Variants in RNF220 observed in about 807,000 individuals in gnomAD.
RNF220 encodes ring finger protein 220, also known as E3 ubiquitin-protein ligase RNF220.
RNF220 carries 7 observed loss-of-function variants against 67.1 expected under a neutral mutation model. That is an observed-to-expected ratio of 0.10 (90% CI 0.06 to 0.20). RNF220 has a LOEUF of 0.20. RNF220 is among the 10% of genes least tolerant of loss of function. RNF220 has a pLI of 1.00. For missense variants in RNF220, 565 were observed against 740.3 expected, an observed-to-expected ratio of 0.76 and a Z score of 2.75; for synonymous variants, 270 against 283.2, an observed-to-expected ratio of 0.95 and a Z score of 0.47.
In RNF220 at chr1:44,624,243, T is replaced by C. The variant is rs1203298057; in HGVS notation, c.804+1456T>C. ...GCCCAGCCTGCAGCATTTAATGGTG[T>C]GGTTCAGGAAAGTCAGAGACAAGCT... is the stretch of plus-strand genomic sequence containing the variant. On this transcript the variant is annotated intron_variant, in intron 4 of 14. Coordinates refer to ENST00000361799, the MANE Select transcript of RNF220 (RefSeq NM_018150.4). The surrounding 1 kb of genome is among the most constrained non-coding windows in gnomAD (Gnocchi z 4.2). Among the ~76,000 whole-genome samples, 1 of 152,160 alleles carries C rather than the reference T, an allele frequency of 6.6e-6. No homozygotes were observed. Among genetic ancestry groups the C allele is most frequent in the Non-Finnish European group, 1.5e-5 (1 of 68,032 alleles).
chr1:44,517,383 ATCCTTCAGATCTTAGCT>A (rs1185738208), intron 2 of RNF220, among the ~76,000 whole-genome samples: 1 of 151,928 alleles, frequency 6.6e-6, no homozygotes, highest in African/African-American at 2.4e-5. Context: ...GCTTCCCCTC[ATCCTTCAGATCTTAGCT>A]TCAATGCCAT....
intron 8 of RNF220, among the ~76,000 whole-genome samples, chr1:44,642,283 A>G (rs1304087638): frequency 6.6e-6 from 1 of 152,262 alleles, no homozygotes; most frequent in East Asian, 1.9e-4. Flanking sequence ...CCATGAGGAT[A>G]GGGATCAGAT....
chr1:44,578,471 G>A lies in RNF220; in HGVS notation c.626-35694G>A, dbSNP rs149242874. ...GTATTTCAATTTGAGTCCATGCCAAGGGAAGGAAGGCTAAGCTGAAGAGAA... is the reference window on the plus strand; with the variant it reads ...GTATTTCAATTTGAGTCCATGCCAAAGGAAGGAAGGCTAAGCTGAAGAGAA... On this transcript the variant is annotated intron_variant, in intron 2 of 14. Transcript: ENST00000361799. 3.9e-5 allele frequency among the ~76,000 whole-genome samples: 6 copies of A among 152,298 alleles called. No individual in the cohort carries two copies. The East Asian group carries it at 1.2e-3, about 29-fold the overall frequency.
intron 2 of RNF220, among the ~76,000 whole-genome samples, chr1:44,536,879 G>A (rs1335899807): frequency 6.6e-6 from 1 of 152,110 alleles, no homozygotes; most frequent in Non-Finnish European, 1.5e-5. Context: ...TATATCAGGA[G>A]CTAACTGCAC....
chr1:44,441,102 T>C (rs967114266), intron 2 of RNF220, among the ~76,000 whole-genome samples: 4 of 152,172 alleles, frequency 2.6e-5, no homozygotes, highest in African/African-American at 9.7e-5. Context: ...TTCCAAGATA[T>C]TATCATTGGA....
intron 2 of RNF220, among the ~76,000 whole-genome samples, chr1:44,525,480 G>A (rs1192683336): frequency 4.6e-5 from 7 of 152,162 alleles, no homozygotes; most frequent in Admixed American, 1.3e-4. Flanking sequence ...CTGCTGCCCC[G>A]CTTTGGTCTG....
intron 2 of RNF220, among the ~76,000 whole-genome samples, chr1:44,549,369 G>T (rs931472765): frequency 2.0e-5 from 3 of 152,170 alleles, no homozygotes; most frequent in Admixed American, 2.0e-4. Flanking sequence ...GAGGCAGAGC[G>T]CACATGAGGA....
At chr1:44,591,702 A>G (rs1666127064) in intron 2 of RNF220, among the ~76,000 whole-genome samples, 1 of 152,184 alleles carries the variant, frequency 6.6e-6, no homozygotes, top group Non-Finnish European at 1.5e-5. Context: ...CGGCTCTGAA[A>G]TGCCCGCAGA....
intron 2 of RNF220, among the ~76,000 whole-genome samples, chr1:44,430,074 GAA>G (rs371193453): frequency 8.7e-5 from 11 of 126,286 alleles, no homozygotes; most frequent in African/African-American, 1.5e-4. Flanking sequence ...GATACAGAGA[GAA>G]AAAAAAAAAA....
intron 9 of RNF220, 90 bp downstream of exon 9, chr1:44,644,884 A>G (rs1277418445): frequency 1.3e-6 from 2 of 1,515,934 alleles, no homozygotes; most frequent in African/African-American, 2.8e-5. Flanking sequence ...CACCTGCACC[A>G]CCCCCCGGGC....
intron 2 of RNF220, among the ~76,000 whole-genome samples, chr1:44,463,914 T>A (rs549188870): frequency 1.6e-4 from 24 of 152,308 alleles, no homozygotes; most frequent in African/African-American, 5.8e-4. Flanking sequence ...ACCTCTAGAA[T>A]GGAGACAGTT....
intron 2 of RNF220, among the ~76,000 whole-genome samples, chr1:44,520,704 T>C (rs1659864650): frequency 6.6e-6 from 1 of 152,232 alleles, no homozygotes; most frequent in African/African-American, 2.4e-5. Context: ...ATTCTGGACA[T>C]AACAACTACA....
At chr1:44,535,884 TG>T (rs1661183193) in intron 2 of RNF220, among the ~76,000 whole-genome samples, 1 of 152,128 alleles carries the variant, frequency 6.6e-6, no homozygotes, top group African/African-American at 2.4e-5. Flanking sequence ...GGCTACGTGC[TG>T]TGGGTCCAGG....
rs116092720 is a variant in RNF220, at chr1:44,544,448, C to T, written c.626-69717C>T. The stretch of plus-strand genomic sequence containing the variant: ...GGACTAATACCAGTACTAGCCAGCA[C>T]GAGGTTTTAATGAGTTCATGCATGT... On this transcript the variant is annotated intron_variant, in intron 2 of 14. Transcript: ENST00000361799. Among the ~76,000 whole-genome samples the T allele has an allele frequency of 8.0e-3, 1,214 of 152,298 alleles. 21 individuals carry two copies. The highest frequency in any genetic ancestry group is 0.027 in the African/African-American group (1,138 of 41,546).
chr1:44,497,870 G>C (rs2148072591), intron 2 of RNF220, among the ~76,000 whole-genome samples: 1 of 152,324 alleles, frequency 6.6e-6, no homozygotes, highest in East Asian at 1.9e-4. Context: ...AAATCTTTCT[G>C]CAAAGGTAAT....
chr1:44,413,602 T>C (rs902700381), intron 2 of RNF220, among the ~76,000 whole-genome samples: 3 of 152,252 alleles, frequency 2.0e-5, no homozygotes, highest in African/African-American at 4.8e-5. Context: ...GCTTTTGGGC[T>C]GTGGGTAGAC....
intron 9 of RNF220, 99 bp downstream of exon 9, chr1:44,644,893 G>C: frequency 2.0e-6 from 3 of 1,534,056 alleles, no homozygotes; most frequent in South Asian, 1.1e-5. Flanking sequence ...CACCCCCCGG[G>C]CCAGAGTCTC....
chr1:44,458,711 T>A (rs145497009), intron 2 of RNF220, among the ~76,000 whole-genome samples: 2,469 of 152,320 alleles, frequency 0.016, 40 homozygotes, highest in South Asian at 0.049. Context: ...GTTTACATAA[T>A]GTTTAATTAA....
At chr1:44,540,748 C>G (rs148057430) in intron 2 of RNF220, among the ~76,000 whole-genome samples, 1 of 152,032 alleles carries the variant, frequency 6.6e-6, no homozygotes, top group Admixed American at 6.5e-5. Flanking sequence ...TCAGGCCAGA[C>G]AAGAAATGTG....
Sources: allele counts gnomAD v4.1 joint callset (sites outside exome capture counted in the v4.1 genomes callset), GRCh38; gene constraint gnomAD v4.1.1; non-coding constraint Gnocchi (gnomAD v3.1); transcripts MANE v1.5; gene names NCBI Gene and HGNC (gene_info 2026-07-23, HGNC 2026-07-21).